FHOD3: variants seen among roughly 807,000 people sequenced by gnomAD.
FHOD3 encodes FH1/FH2 domain-containing protein 3.
Under a neutral mutation model 173.0 loss-of-function variants are expected in FHOD3, and 90 were observed. The ratio of observed to expected loss-of-function variants is 0.52; its 90% CI spans 0.44 to 0.62. The LOEUF (loss-of-function observed/expected upper bound fraction) is 0.62, where lower values mean the gene tolerates loss of function less well. Among genes scored for constraint, FHOD3 ranks in the 20% least tolerant of loss-of-function variants. FHOD3 has a pLI of 0.00. For synonymous variants in FHOD3, 828 were observed against 823.0 expected (o/e 1.01, Z -0.10); for missense variants, 1,945 against 2,034.7 (o/e 0.96, Z 0.85).
rs193156389 is a variant in FHOD3, at chr18:36,582,519, C to T, written c.606+5974C>T. ...GAATTGGTGGAAAGCCTTCCTTTTT[C>T]GGACATGCATTACCTGTCATTAACC... On this transcript the variant is annotated intron_variant, in intron 6 of 28. Transcript: ENST00000590592. 3.3e-3 allele frequency among the ~76,000 whole-genome samples: 503 copies of T among 152,256 alleles called. 5 individuals are homozygous for T. Among genetic ancestry groups the T allele is most frequent in the African/African-American group, 0.012 (479 of 41,546 alleles).
At chr18:36,432,321 A>G (rs1273991906) in intron 3 of FHOD3, among the ~76,000 whole-genome samples, 2 of 152,220 alleles carry the variant, frequency 1.3e-5, no homozygotes, top group Non-Finnish European at 2.9e-5. Flanking sequence ...AAAAAATTTA[A>G]ATAGGACTGT....
chr18:36,431,150 G>A (rs2050529195), intron 3 of FHOD3, among the ~76,000 whole-genome samples: 2 of 152,292 alleles, frequency 1.3e-5, no homozygotes, highest in African/African-American at 2.4e-5. Flanking sequence ...TATTATATGA[G>A]TATGGAAAGA....
chr18:36,461,173 G>T (rs2052527370), intron 3 of FHOD3, among the ~76,000 whole-genome samples: 1 of 152,136 alleles, frequency 6.6e-6, no homozygotes, highest in Non-Finnish European at 1.5e-5. Context: ...TCTGGGGCCA[G>T]CCTGCTCACT....
intron 5 of FHOD3, among the ~76,000 whole-genome samples, chr18:36,516,368 G>C (rs542617272): frequency 4.6e-5 from 7 of 152,168 alleles, no homozygotes; most frequent in East Asian, 1.9e-4. Context: ...GCCATGAGGT[G>C]GGGGGAGAGG....
intron 13 of FHOD3, among the ~76,000 whole-genome samples, chr18:36,655,155 G>T (rs535155399): frequency 1.3e-5 from 2 of 149,472 alleles, no homozygotes; most frequent in Admixed American, 1.3e-4. Context: ...CAGGTCTACA[G>T]TTCCAGGATT....
chr18:36,568,502 C>T (rs557479432), intron 5 of FHOD3, among the ~76,000 whole-genome samples: 25 of 152,068 alleles, frequency 1.6e-4, no homozygotes, highest in Admixed American at 4.6e-4. Context: ...CCCTGGGCTC[C>T]ACACAGACTG....
At chr18:36,455,949 C>A (rs1347863052) in intron 3 of FHOD3, among the ~76,000 whole-genome samples, 2 of 152,104 alleles carry the variant, frequency 1.3e-5, no homozygotes, top group African/African-American at 4.8e-5. Flanking sequence ...CTCTTGGATG[C>A]CGCCCCCTAG....
chr18:36,745,877 G>A (rs1006639865), intron 23 of FHOD3, among the ~76,000 whole-genome samples: 2 of 147,970 alleles, frequency 1.4e-5, no homozygotes, highest in African/African-American at 5.0e-5. Context: ...GCTCAACCCC[G>A]CGCACCTCCT....
chr18:36,652,423 C>T, intron 11 of FHOD3, 147 bp from the exon 12 acceptor site: 1 of 1,049,516 alleles, frequency 9.5e-7, no homozygotes, highest in Non-Finnish European at 1.3e-6. Flanking sequence ...GGCTTTTATG[C>T]TTCAGTTCAA....
intron 3 of FHOD3, among the ~76,000 whole-genome samples, chr18:36,408,655 G>A (rs185290308): frequency 6.6e-5 from 10 of 152,154 alleles, no homozygotes; most frequent in African/African-American, 2.4e-4. Flanking sequence ...TGGAGCAGGG[G>A]TTGGACAGCC....
At chr18:36,524,281 C>CA (rs34510109) in intron 5 of FHOD3, among the ~76,000 whole-genome samples, 1,254 of 111,846 alleles carry the variant, frequency 0.011, 13 homozygotes, top group African/African-American at 0.031. Context: ...GGCTCTACCT[C>CA]AAAAAAAAAA....
chr18:36,778,809 CTA>C (rs2043880665), intron 28 of FHOD3: 1 of 152,190 alleles, frequency 6.6e-6, no homozygotes, highest in African/African-American at 2.4e-5. Context: ...ATTATTGTCT[CTA>C]GAGGCCTTTT....
At chr18:36,728,954 T>G (rs1225252528) in intron 19 of FHOD3, among the ~76,000 whole-genome samples, 1 of 152,166 alleles carries the variant, frequency 6.6e-6, no homozygotes, top group Non-Finnish European at 1.5e-5. Context: ...AAACTTCCAG[T>G]CTCATCCCTG....
chr18:36,372,849 T>C (rs910432634), intron 3 of FHOD3, 105 bp downstream of exon 3: 1 of 915,526 alleles, frequency 1.1e-6, no homozygotes, highest in Middle Eastern at 2.3e-4. Flanking sequence ...CTAGCCCCTA[T>C]CATGAGTTCT....
Position 36,658,097 on chromosome 18 carries a change from T to C in FHOD3, c.1744T>C (p.Ser582Pro). 2 of 1,607,736 alleles carry C rather than the reference T, an allele frequency of 1.2e-6. No homozygotes were observed. The highest frequency in any genetic ancestry group is 1.7e-4 in the Middle Eastern group (1 of 6,052). ...SNRYSNFGNNSYHSSRPSSGS... is the reference protein window; with the variant it reads ...SNRYSNFGNNPYHSSRPSSGS... ...TAGATACAGCAATTTTGGCAATAAC[T>C]CTTATCACTCCTCAAGACCCTCATC... Residue 582 changes from serine (S) to proline (P), a missense_variant, in exon 14 of 29, where the codon TCT becomes CCT. Physicochemically the swap from Ser to Pro is moderately conservative, Grantham distance 74. Transcript: ENST00000590592.
chr18:36,298,928 C>T (rs1333541196), intron 1 of FHOD3, among the ~76,000 whole-genome samples: 1 of 152,102 alleles, frequency 6.6e-6, no homozygotes, highest in Non-Finnish European at 1.5e-5. Flanking sequence ...TGCAAAATTA[C>T]CTTCCCAGTA....
intron 15 of FHOD3, among the ~76,000 whole-genome samples, chr18:36,686,488 G>A (rs936034092): frequency 6.6e-6 from 1 of 151,376 alleles, no homozygotes; most frequent in East Asian, 2.0e-4. Context: ...GGGCCTGTCA[G>A]TGGGGGGATT....
chr18:36,430,159 C>T (rs1034174278), intron 3 of FHOD3, among the ~76,000 whole-genome samples: 6 of 152,194 alleles, frequency 3.9e-5, no homozygotes, highest in African/African-American at 1.4e-4. Context: ...ATCTAAATTA[C>T]AGGTTATTTC....
chr18:36,311,560 T>C (rs927987351), intron 1 of FHOD3, among the ~76,000 whole-genome samples: 3 of 152,290 alleles, frequency 2.0e-5, no homozygotes, highest in Middle Eastern at 3.4e-3. Context: ...CACAGGAGCA[T>C]GCGTGGCCTC....
Sources: allele counts gnomAD v4.1 joint callset (sites outside exome capture counted in the v4.1 genomes callset), GRCh38; gene constraint gnomAD v4.1.1; transcripts MANE v1.5; gene names NCBI Gene and HGNC (gene_info 2026-07-23, HGNC 2026-07-21).